Variants in WDR12 observed in about 807,000 individuals in gnomAD.
WDR12 encodes ribosome biogenesis protein WDR12.
WDR12 carries 42 observed loss-of-function variants against 64.3 expected under a neutral mutation model. The observed-to-expected ratio is 0.65, with a 90% CI of 0.51 to 0.84. WDR12 has a LOEUF of 0.84. WDR12 is among the 40% of genes least tolerant of loss of function. The pLI is 0.00. For missense variants in WDR12, 469 were observed against 494.6 expected, an observed-to-expected ratio of 0.95 and a Z score of 0.49; for synonymous variants, 158 against 173.3, an observed-to-expected ratio of 0.91 and a Z score of 0.70.
intron 7 of WDR12, among the ~76,000 whole-genome samples, chr2:202,893,195 C>T (rs760837490): frequency 2.6e-5 from 4 of 151,866 alleles, no homozygotes; most frequent in Non-Finnish European, 5.9e-5. Flanking sequence ...CTTGGTTAAG[C>T]AGCAAACCCA....
chr2:202,884,679 G>T, intron 8 of WDR12, 144 bp from the exon 9 acceptor site: 1 of 887,324 alleles, frequency 1.1e-6, no homozygotes, highest in Non-Finnish European at 1.7e-6. Context: ...CCTTTACAAT[G>T]GAATGGATAT....
At chr2:202,910,467 G>A (rs1054665769) in intron 1 of WDR12, among the ~76,000 whole-genome samples, 1 of 152,056 alleles carries the variant, frequency 6.6e-6, no homozygotes, top group Non-Finnish European at 1.5e-5. Flanking sequence ...AGGTTACAGT[G>A]AGCCAAGATC....
chr2:202,897,386 G>T lies in WDR12; in HGVS notation c.368C>A (p.Ser123Tyr), dbSNP rs542585948. Residue 123 changes from serine (S) to tyrosine (Y), a missense_variant, in exon 5 of 13, where the codon TCT becomes TAT. By Grantham distance (144) the Ser-to-Tyr change is moderately radical. Transcript: ENST00000261015. ...WILTGSYDKTSRIWSLEGKSI... is the reference protein window; with the variant it reads ...WILTGSYDKTYRIWSLEGKSI... ...CTTTCCTTCCAAGGACCAGATCCGA[G>T]AAGTCTTATCATAAGAACCAGTCAA... is the stretch of plus-strand genomic sequence containing the variant. 4 of 1,589,860 alleles carry T rather than the reference G, an allele frequency of 2.5e-6. No homozygotes were observed. In the Admixed American group the frequency reaches 7.2e-5, roughly 29 times the overall value.
intron 1 of WDR12, among the ~76,000 whole-genome samples, chr2:202,910,150 A>G (rs1374001587): frequency 2.0e-5 from 3 of 152,146 alleles, no homozygotes; most frequent in African/African-American, 7.2e-5. Context: ...ATTCACACAC[A>G]CACATATGAC....
intron 6 of WDR12, 33 bp downstream of exon 6, chr2:202,896,027 AAATTT>A: frequency 1.9e-6 from 3 of 1,588,188 alleles, no homozygotes; most frequent in Non-Finnish European, 2.6e-6. Context: ...GCTCAAATTC[AAATTT>A]AACAGAGTAC....
At chr2:202,901,856 G>GT (rs957153997) in intron 2 of WDR12, among the ~76,000 whole-genome samples, 18 of 151,768 alleles carry the variant, frequency 1.2e-4, no homozygotes, top group East Asian at 3.9e-4. Context: ...GGTTTTTTGG[G>GT]TTTTTTTTGA....
At chr2:202,887,216 G>A (rs574845756) in intron 8 of WDR12, among the ~76,000 whole-genome samples, 74 of 152,166 alleles carry the variant, frequency 4.9e-4, no homozygotes, top group Middle Eastern at 3.4e-3. Context: ...GTACAGACGG[G>A]GTTTCACCAT....
intron 11 of WDR12, 142 bp downstream of exon 11, chr2:202,883,467 C>T (rs1687990212): frequency 9.5e-7 from 1 of 1,050,042 alleles, no homozygotes; most frequent in Non-Finnish European, 1.3e-6. Flanking sequence ...TTTTCTTTTG[C>T]ATATCAGTAT....
intron 1 of WDR12, among the ~76,000 whole-genome samples, chr2:202,908,718 T>A (rs1344399346): frequency 6.6e-6 from 1 of 152,190 alleles, no homozygotes; most frequent in Non-Finnish European, 1.5e-5. Context: ...AGAAGTATCA[T>A]CAGATTTTAT....
intron 2 of WDR12, among the ~76,000 whole-genome samples, chr2:202,907,639 T>C (rs1161732769): frequency 1.3e-5 from 2 of 152,206 alleles, no homozygotes; most frequent in Non-Finnish European, 2.9e-5. Flanking sequence ...CCACCATATT[T>C]CCACATGGCC....
At chr2:202,909,125 C>G (rs56922526) in intron 1 of WDR12, among the ~76,000 whole-genome samples, 2,944 of 152,304 alleles carry the variant, frequency 0.019, 86 homozygotes, top group African/African-American at 0.067. Context: ...GGAAAACAGT[C>G]TGGCAGTTCC....
Position 202,907,949 on chromosome 2 carries a change from C to T in WDR12, c.52G>A (p.Asp18Asn), listed in dbSNP as rs781638756. 6.2e-7 allele frequency: 1 copy of T among 1,613,894 alleles called. No individual in the cohort carries two copies. Among genetic ancestry groups the T allele is most frequent in the Admixed American group, 1.7e-5 (1 of 60,012 alleles). Reference sequence around the variant, plus strand: ...GCAGGGATTGAGAAGGGAACATCATCTACGGCATATCTATAAAAAGGAAAT... The same window carrying T: ...GCAGGGATTGAGAAGGGAACATCATTTACGGCATATCTATAAAAAGGAAAT... Reference protein sequence around the residue: ...FYTDNKKYAVDDVPFSIPAAS... With the variant: ...FYTDNKKYAVNDVPFSIPAAS... Residue 18 changes from aspartate (D) to asparagine (N), a missense_variant, in exon 2 of 13, where the codon GAT becomes AAT. Coordinates refer to ENST00000261015, the MANE Select transcript of WDR12 (RefSeq NM_018256.4).
chr2:202,897,908 A>AATATATATATAT (rs11463463), intron 4 of WDR12, among the ~76,000 whole-genome samples: 10 of 40,058 alleles, frequency 2.5e-4, no homozygotes, highest in Non-Finnish European at 5.0e-4. Context: ...AAAAAAAAAA[A>AATATATATATAT]ATATATATAT....
At chr2:202,892,815 G>A in intron 7 of WDR12, 113 bp from the exon 8 acceptor site, 4 of 590,018 alleles carry the variant, frequency 6.8e-6, no homozygotes, top group South Asian at 6.7e-5. Context: ...ACACAGTTAG[G>A]GAATGAATAT....
chr2:202,901,960 C>A (rs1473469937), intron 2 of WDR12, among the ~76,000 whole-genome samples: 1 of 151,990 alleles, frequency 6.6e-6, no homozygotes, highest in East Asian at 1.9e-4. Context: ...GATATTAAGA[C>A]CCATCATAGG....
intron 8 of WDR12, among the ~76,000 whole-genome samples, chr2:202,885,671 T>C (rs1286902310): frequency 6.6e-6 from 1 of 152,192 alleles, no homozygotes; most frequent in African/African-American, 2.4e-5. Flanking sequence ...GTTCACTTAT[T>C]AATACTCCAC....
rs1379948491 is a variant in WDR12 at position 202,876,135 on chromosome 2, A to G, written c.*4725T>C. 1 of 152,216 alleles carries G rather than the reference A, an allele frequency of 6.6e-6. No homozygotes were observed. Among genetic ancestry groups the G allele is most frequent in the Non-Finnish European group, 1.5e-5 (1 of 68,050 alleles). 9.4% of individuals were successfully genotyped at this position (152,216 alleles called of 1,614,324 possible). ...CTGGATGCAGTGGCTCATGCCTGTAATCTTAGCACTTTTGAGGCCAAGGTG... is the reference window on the plus strand; with the variant it reads ...CTGGATGCAGTGGCTCATGCCTGTAGTCTTAGCACTTTTGAGGCCAAGGTG... On this transcript the variant is annotated 3_prime_UTR_variant, in exon 13 of 13. Transcript: ENST00000261015.
chr2:202,900,709 A>G (rs1688333193), intron 3 of WDR12, among the ~76,000 whole-genome samples: 1 of 152,176 alleles, frequency 6.6e-6, no homozygotes, highest in African/African-American at 2.4e-5. Flanking sequence ...CATATTTGCT[A>G]TTCCCTTTCT....
intron 5 of WDR12, among the ~76,000 whole-genome samples, chr2:202,897,079 G>C (rs934079633): frequency 3.3e-5 from 5 of 152,216 alleles, no homozygotes; most frequent in African/African-American, 9.6e-5. Context: ...ACTTGAAAAT[G>C]TATATTATCT....
Sources: gnomAD v4.1 joint callset for allele counts (sites outside exome capture counted in the v4.1 genomes callset) on GRCh38, gnomAD v4.1.1 for gene constraint, MANE v1.5 for transcripts, NCBI Gene and HGNC (gene_info 2026-07-23, HGNC 2026-07-21) for gene names.